The following IFNA6 variants were observed in gnomAD, a reference collection of about 807,000 sequenced individuals.
IFNA6 encodes the protein interferon alpha-6.
For missense variants in IFNA6, 235 were observed against 212.4 expected (o/e 1.11, Z -0.66); for synonymous variants, 96 against 79.2 (o/e 1.21, Z -1.13).
exon 1 of IFNA6, chr9:21,350,840 G>A (rs752908789): frequency 6.2e-7 from 1 of 1,613,794 alleles, no homozygotes; most frequent in East Asian, 2.2e-5. Context: ...AGCTTGACTT[G>A]CAGCTGAGCA....
At chr9:21,350,517 A>G (rs1217727226) in exon 1 of IFNA6, 1 of 1,613,886 alleles carries the variant, frequency 6.2e-7, no homozygotes, top group Non-Finnish European at 8.5e-7. Flanking sequence ...CACCTCCTGC[A>G]TCACACAGGC....
At chr9:21,350,618 G>A (rs754707601) in exon 1 of IFNA6, 14 of 1,613,904 alleles carry the variant, frequency 8.7e-6, no homozygotes, top group South Asian at 6.6e-5. Context: ...TTGTGCTGAA[G>A]AGGTTGAAGG....
chr9:21,350,690 A>G, exon 1 of IFNA6: 1 of 1,614,064 alleles, frequency 6.2e-7, no homozygotes, highest in African/African-American at 1.3e-5. Context: ...GGTTGCCATC[A>G]AACTCCTCCT....
chr9:21,350,395 C>T (rs887599891), exon 1 of IFNA6: 11 of 1,613,104 alleles, frequency 6.8e-6, no homozygotes, highest in Non-Finnish European at 9.3e-6. Flanking sequence ...CTGACAACCT[C>T]CCAGGCACAA....
exon 1 of IFNA6, chr9:21,350,332 T>C (rs1261324511): frequency 6.4e-7 from 1 of 1,551,184 alleles, no homozygotes; most frequent in East Asian, 2.4e-5. Flanking sequence ...TCCTTCCTCC[T>C]TAACCTTTCT....
chr9:21,350,861 C>T, exon 1 of IFNA6: 1 of 1,613,694 alleles, frequency 6.2e-7, no homozygotes, highest in South Asian at 1.1e-5. Context: ...CCACCAGGGC[C>T]ATCAGTAAAG....
rs781021241 is a variant in IFNA6 at position 21,350,709 on chromosome 9, C to T, written c.179G>A (p.Arg60Lys). 17 of 1,613,944 alleles carry T rather than the reference C, an allele frequency of 1.1e-5. No individual in the cohort carries two copies. Among genetic ancestry groups the T allele is most frequent in the African/African-American group, 1.3e-5 (1 of 74,918 alleles). The change falls in exon 1 of 1, where the codon AGA becomes AAA. Residue 60 changes from arginine to lysine, a missense_variant. Physicochemically the swap from Arg to Lys is conservative, Grantham distance 26. Transcript: ENST00000380210. ...GCCATCAAACTCCTCCTGGGGAAAT[C>T]TGAAGTCATGTCTGTCCTTCAGACA... is the stretch of plus-strand genomic sequence containing the variant.
At chr9:21,350,859 G>A (rs1408110527) in exon 1 of IFNA6, 7 of 1,613,692 alleles carry the variant, frequency 4.3e-6, no homozygotes, top group Admixed American at 3.3e-5. Flanking sequence ...CACCACCAGG[G>A]CCATCAGTAA....
exon 1 of IFNA6, chr9:21,350,507 C>A (rs1423692245): frequency 1.2e-6 from 2 of 1,614,054 alleles, no homozygotes; most frequent in Admixed American, 3.3e-5. Context: ...CTCCCACCCA[C>A]ACCTCCTGCA....
chr9:21,350,627 G>C (rs1487750052), exon 1 of IFNA6: 3 of 1,614,022 alleles, frequency 1.9e-6, no homozygotes, highest in South Asian at 1.1e-5. Context: ...AGAGGTTGAA[G>C]GTCTGCTGAA....
At chr9:21,350,783 C>T in exon 1 of IFNA6, 2 of 1,613,984 alleles carry the variant, frequency 1.2e-6, no homozygotes, top group East Asian at 2.2e-5. Context: ...TCATGGTCCT[C>T]CTGTGACCCA....
chr9:21,350,592 G>A (rs1586948119), exon 1 of IFNA6: 1 of 1,613,974 alleles, frequency 6.2e-7, no homozygotes, highest in South Asian at 1.1e-5. Context: ...CTCATCCCAA[G>A]CAACAGATGA....
At chr9:21,350,754 C>T (rs751449334) in exon 1 of IFNA6, 25 of 1,613,836 alleles carry the variant, frequency 1.5e-5, no homozygotes, top group East Asian at 2.2e-5. Flanking sequence ...AGAGATTCTC[C>T]TCATTTGTGC....
chr9:21,350,524 A>C, exon 1 of IFNA6: 1 of 1,614,012 alleles, frequency 6.2e-7, no homozygotes, highest in Non-Finnish European at 8.5e-7. Context: ...TGCATCACAC[A>C]GGCTTCCAGG....
chr9:21,350,494 TC>T, the IFNA6 span: 8 of 1,613,632 alleles, frequency 5.0e-6, no homozygotes, highest in Admixed American at 1.3e-4. Flanking sequence ...ATCAGGGGAG[TC>T]CCTCCCACCC....
At chr9:21,350,464 C>T (rs759952915) in exon 1 of IFNA6, 2 of 1,614,022 alleles carry the variant, frequency 1.2e-6, no homozygotes, top group East Asian at 4.5e-5. Flanking sequence ...TTTCTCACAG[C>T]CAGGATGGAG....
chr9:21,350,749 T>C lies in IFNA6; in HGVS notation c.139A>G (p.Ile47Val), dbSNP rs190705153. 325 of 1,613,992 alleles carry C rather than the reference T, an allele frequency of 2.0e-4. 4 individuals are homozygous for C. The South Asian group carries it at 2.6e-3, about 13-fold the overall frequency. Residue 47 changes from isoleucine (I) to valine (V), a missense_variant, in exon 1 of 1, where the codon ATC (isoleucine) becomes GTC (valine). By Grantham distance (29) the Ile-to-Val change is conservative. Coordinates refer to ENST00000380210, the Ensembl canonical transcript of IFNA6. ...TCCTTCAGACAGGAGAAAAGAGAGA[T>C]TCTCCTCATTTGTGCCAGGAGCATC...
At chr9:21,350,383 C>T (rs779491725) in exon 1 of IFNA6, 43 of 1,611,044 alleles carry the variant, frequency 2.7e-5, no homozygotes, top group African/African-American at 2.7e-5. Context: ...ATGATTTCTG[C>T]TCTGACAACC....
exon 1 of IFNA6, chr9:21,350,876 A>C (rs1820445361): frequency 6.2e-7 from 1 of 1,613,586 alleles, no homozygotes; most frequent in Non-Finnish European, 8.5e-7. Context: ...GTAAAGCAAA[A>C]GGCAAAGCCA....
Sources: gnomAD v4.1 joint callset for allele counts on GRCh38, gnomAD v4.1.1 for gene constraint, MANE v1.5 for transcripts, NCBI Gene and HGNC (gene_info 2026-07-23, HGNC 2026-07-21) for gene names.